Variants in TRIO observed in about 807,000 individuals in gnomAD.
The protein encoded by TRIO is triple functional domain protein.
In TRIO, 58 loss-of-function variants were observed where a neutral mutation model predicts 351.9. The observed-to-expected ratio is 0.16, with a 90% confidence interval of 0.13 to 0.21. The LOEUF (loss-of-function observed/expected upper bound fraction) is 0.21. Ranked by LOEUF, TRIO falls within the 10% of genes least tolerant of loss-of-function variation. TRIO has a pLI of 1.00. For missense variants in TRIO, 3,201 were observed against 4,027.8 expected, an observed-to-expected ratio of 0.79 and a Z score of 5.56; for synonymous variants, 1,758 against 1,595.7, an observed-to-expected ratio of 1.10 and a Z score of -2.42.
intron 28 of TRIO, among the ~76,000 whole-genome samples, chr5:14,395,266 A>C (rs1450064646): frequency 6.6e-6 from 1 of 152,246 alleles, no homozygotes; most frequent in African/African-American, 2.4e-5. Context: ...TTATGTGACC[A>C]TTCCCGCAGA....
intron 10 of TRIO, among the ~76,000 whole-genome samples, chr5:14,331,481 AAC>A (rs1203695152): frequency 3.9e-5 from 6 of 152,242 alleles, no homozygotes; most frequent in African/African-American, 1.4e-4. Context: ...TTGATGAAGT[AAC>A]ACAGCAGAGA....
At chr5:14,309,281 A>T (rs1738698768) in intron 8 of TRIO, among the ~76,000 whole-genome samples, 1 of 151,994 alleles carries the variant, frequency 6.6e-6, no homozygotes, top group African/African-American at 2.4e-5. Flanking sequence ...ATTTTCCTTA[A>T]TGTATTAACT....
chr5:14,436,165 C>T (rs1341683554), intron 34 of TRIO, among the ~76,000 whole-genome samples: 2 of 152,192 alleles, frequency 1.3e-5, no homozygotes, highest in African/African-American at 4.8e-5. Flanking sequence ...ATTGGACTTA[C>T]AGTTCCATGT....
chr5:14,313,433 G>T (rs1457139475), intron 8 of TRIO, among the ~76,000 whole-genome samples: 1 of 152,194 alleles, frequency 6.6e-6, no homozygotes, highest in Non-Finnish European at 1.5e-5. Flanking sequence ...GAATGTTGTT[G>T]CTTAGAGTAC....
intron 34 of TRIO, among the ~76,000 whole-genome samples, chr5:14,448,653 T>A (rs1035967534): frequency 1.3e-5 from 2 of 152,176 alleles, no homozygotes; most frequent in Non-Finnish European, 2.9e-5. Context: ...TAAAGAGCCA[T>A]GTGGACTGCG....
At chr5:14,244,973 G>A (rs1794346175) in intron 1 of TRIO, among the ~76,000 whole-genome samples, 1 of 152,210 alleles carries the variant, frequency 6.6e-6, no homozygotes, top group Non-Finnish European at 1.5e-5. Flanking sequence ...CCAGGGGGAT[G>A]CAGCTCCGAG....
intron 1 of TRIO, among the ~76,000 whole-genome samples, chr5:14,233,220 G>A (rs1457230845): frequency 1.3e-5 from 2 of 150,328 alleles, no homozygotes; most frequent in Non-Finnish European, 2.9e-5. Context: ...GTGGCTCACG[G>A]TTTTAATCCC....
intron 3 of TRIO, 64 bp downstream of exon 3, chr5:14,280,500 T>A: frequency 6.4e-6 from 9 of 1,396,986 alleles, no homozygotes; most frequent in Non-Finnish European, 9.1e-6. Flanking sequence ...GGCGCTATAC[T>A]CGTTAGAAAT....
chr5:14,248,005 G>A (rs1794533071), intron 1 of TRIO, among the ~76,000 whole-genome samples: 1 of 150,756 alleles, frequency 6.6e-6, no homozygotes, highest in Non-Finnish European at 1.5e-5. Flanking sequence ...GGTGGAGGTT[G>A]CAGTGAGCCG....
intron 10 of TRIO, 75 bp from the exon 11 acceptor site, chr5:14,336,461 A>G (rs1579359490): frequency 8.9e-6 from 13 of 1,455,538 alleles, no homozygotes; most frequent in South Asian, 6.2e-5. Flanking sequence ...CTGTGTTGCT[A>G]TATATTATGG....
intron 1 of TRIO, chr5:14,183,883 T>C (rs1789943898): frequency 1.5e-6 from 1 of 688,846 alleles, no homozygotes; most frequent in Non-Finnish European, 2.7e-6. Context: ...ATAGTGACTG[T>C]TTTACTTCGA....
chr5:14,283,219 C>T (rs1267649052), intron 3 of TRIO, among the ~76,000 whole-genome samples: 1 of 152,152 alleles, frequency 6.6e-6, no homozygotes, highest in East Asian at 1.9e-4. Context: ...GAACACAAGG[C>T]GTTTCTACCC....
rs151181347 is a variant in TRIO at position 14,154,560 on chromosome 5, G to A, written c.157+10678G>A. Among the ~76,000 whole-genome samples, 83 of 152,208 alleles carry A rather than the reference G, an allele frequency of 5.5e-4. No individual in the cohort carries two copies. The East Asian group carries it at 0.013, about 24-fold the overall frequency. ...TCAGGCACGTGTCCTAGGCTGTTCTGTGTGTGGGTTGCGTTCTCATCAGCC... is the reference window on the plus strand; with the variant it reads ...TCAGGCACGTGTCCTAGGCTGTTCTATGTGTGGGTTGCGTTCTCATCAGCC... On this transcript the variant is annotated intron_variant, in intron 1 of 56. Transcript: ENST00000344204.
At chr5:14,229,352 C>T (rs1387863712) in intron 1 of TRIO, among the ~76,000 whole-genome samples, 1 of 152,252 alleles carries the variant, frequency 6.6e-6, no homozygotes, top group Non-Finnish European at 1.5e-5. Flanking sequence ...TGGCTGCCTT[C>T]CAGTGAAACT....
intron 11 of TRIO, among the ~76,000 whole-genome samples, chr5:14,339,686 A>G (rs971617837): frequency 6.6e-6 from 1 of 152,198 alleles, no homozygotes; most frequent in African/African-American, 2.4e-5. Context: ...TTGGCATTCA[A>G]GGACGCTGCC....
intron 21 of TRIO, among the ~76,000 whole-genome samples, chr5:14,384,577 T>C (rs995438181): frequency 1.3e-5 from 2 of 151,996 alleles, no homozygotes; most frequent in Admixed American, 1.3e-4. Context: ...CCAAGGTAAA[T>C]GGCTTTGGAA....
intron 5 of TRIO, among the ~76,000 whole-genome samples, chr5:14,292,012 G>C (rs1392648469): frequency 1.3e-5 from 2 of 152,086 alleles, no homozygotes; most frequent in Non-Finnish European, 2.9e-5. Context: ...ATCAATTACT[G>C]GCTAATTGAA....
chr5:14,181,866 C>T lies in TRIO; in HGVS notation c.157+37984C>T, dbSNP rs111415267. ...TGCATCCCCACTTGCCCTCACTATT[C>T]CTTTTCTGGTAGTTTCTACACTCCG... On this transcript the variant is annotated intron_variant, in intron 1 of 56. Coordinates refer to ENST00000344204, the MANE Select transcript of TRIO (RefSeq NM_007118.4). 3.8e-3 allele frequency among the ~76,000 whole-genome samples: 584 copies of T among 152,272 alleles called. 1 individual carries two copies. The highest frequency in any genetic ancestry group is 5.9e-3 in the Non-Finnish European group (402 of 68,018).
At chr5:14,463,375 C>A (rs1401657988) in intron 36 of TRIO, among the ~76,000 whole-genome samples, 1 of 152,334 alleles carries the variant, frequency 6.6e-6, no homozygotes, top group African/African-American at 2.4e-5. Flanking sequence ...TGTCCAGTTA[C>A]TTTTTCCAAC....
Sources: allele counts gnomAD v4.1 joint callset (sites outside exome capture counted in the v4.1 genomes callset), GRCh38; gene constraint gnomAD v4.1.1; transcripts MANE v1.5; gene names NCBI Gene and HGNC (gene_info 2026-07-23, HGNC 2026-07-21).